Variants in KIF5B observed in about 807,000 individuals in gnomAD.
The protein encoded by KIF5B is kinesin family member 5B.
Under a neutral mutation model 132.8 loss-of-function variants are expected in KIF5B, and 49 were observed. The ratio of observed to expected loss-of-function variants is 0.37; its 90% CI spans 0.29 to 0.47. The LOEUF is 0.47. Ranked by LOEUF, KIF5B falls within the 20% of genes least tolerant of loss-of-function variation. KIF5B has a pLI of 1.00. For missense variants in KIF5B, 780 were observed against 1,144.0 expected, an observed-to-expected ratio of 0.68 and a Z score of 4.59; for synonymous variants, 355 against 369.4, an observed-to-expected ratio of 0.96 and a Z score of 0.45.
intron 4 of KIF5B, among the ~76,000 whole-genome samples, chr10:32,039,087 A>G (rs1270942243): frequency 6.6e-6 from 1 of 152,206 alleles, no homozygotes; most frequent in East Asian, 1.9e-4. Context: ...CAAGTTCTGC[A>G]GTAAAGCAAC....
intron 4 of KIF5B, 90 bp from the exon 5 acceptor site, chr10:32,038,916 TAG>T (rs1183418221): frequency 6.4e-6 from 5 of 776,418 alleles, no homozygotes; most frequent in South Asian, 6.4e-5. Flanking sequence ...TTGTTTAGAC[TAG>T]AGAGACAGTT....
In KIF5B at chr10:32,034,883, TTTTTAA is replaced by T. The variant is rs761257363; in HGVS notation, c.963-51_963-46del. ...GAAAAAAAGGATGAGACTGAAATTA[TTTTTAA>T]TTTTATCTATATGGAATATATGTAT... On this transcript the variant is annotated intron_variant, in intron 10 of 25. Coordinates refer to ENST00000302418, the MANE Select transcript of KIF5B (RefSeq NM_004521.3). 53 of 1,450,078 alleles carry T rather than the reference TTTTTAA, an allele frequency of 3.7e-5. No homozygotes were observed. In the East Asian group the frequency reaches 5.3e-4, roughly 15 times the overall value. 89.8% of individuals were successfully genotyped at this position (1,450,078 alleles called of 1,614,324 possible). A position where few individuals can be genotyped will look rare whatever the true frequency, so the allele number is the denominator to read the frequency against.
chr10:32,039,490 AAG>A (rs1475160962), intron 3 of KIF5B, 59 bp from the exon 4 acceptor site: 12 of 808,928 alleles, frequency 1.5e-5, no homozygotes, highest in Non-Finnish European at 2.2e-5. Context: ...AGTAAAAACA[AAG>A]AGTTTCAATC....
chr10:32,034,111 AT>A (rs11288781), intron 11 of KIF5B, 73 bp from the exon 12 acceptor site: 179,535 of 670,542 alleles, frequency 0.27, 1,127 homozygotes, highest in East Asian at 0.44. Context: ...TCCTTTAAAA[AT>A]TTTTTTTTTT....
intron 6 of KIF5B, 71 bp from the exon 7 acceptor site, chr10:32,037,678 C>CAAAAATTAG: frequency 8.4e-7 from 1 of 1,186,234 alleles, no homozygotes; most frequent in East Asian, 2.4e-5. Flanking sequence ...AATAAAAACA[C>CAAAAATTAG]AAAAATTAGC....
At position 32,027,590 on chromosome 10, in the gene KIF5B, A is replaced by G. The variant is rs1419031588; in HGVS notation, c.1725+838T>C. Among the ~76,000 whole-genome samples the G allele has an allele frequency of 4.0e-5, 6 of 151,404 alleles. No individual in the cohort carries two copies. The East Asian group carries it at 9.7e-4, about 24-fold the overall frequency. On this transcript the variant is annotated intron_variant, in intron 15 of 25. Coordinates refer to ENST00000302418, the MANE Select transcript of KIF5B (RefSeq NM_004521.3). ...TAAAGCAACCACAAGCCCATTCATT[A>G]TAAATTTATTCCCTGAGCTAATCTT...
At position 32,032,696 on chromosome 10, in the gene KIF5B, T is replaced by C. The variant is rs746050173; in HGVS notation, c.1374+10A>G. 12 of 1,607,926 alleles carry C rather than the reference T, an allele frequency of 7.5e-6. No individual in the cohort carries two copies. Among genetic ancestry groups the C allele is most frequent in the Non-Finnish European group, 1.0e-5 (12 of 1,174,408 alleles). On this transcript the variant is annotated intron_variant, in intron 13 of 25. Transcript: ENST00000302418. ...TTTTCTGGAAGCAATGTAAAAGGTA[T>C]TCAACTCACCTCCTCCTGATCCAAC...
chr10:32,031,928 G>A (rs1005037986), intron 13 of KIF5B, among the ~76,000 whole-genome samples: 2 of 149,808 alleles, frequency 1.3e-5, no homozygotes, highest in Admixed American at 6.7e-5. Context: ...GAACCTGGGA[G>A]GTGGAGGTTG....
At chr10:32,052,291 G>A (rs1336053756) in intron 1 of KIF5B, among the ~76,000 whole-genome samples, 2 of 152,214 alleles carry the variant, frequency 1.3e-5, no homozygotes, top group African/African-American at 2.4e-5. Context: ...GTAAAGGTAT[G>A]TGATGATGGT....
intron 12 of KIF5B, among the ~76,000 whole-genome samples, chr10:32,033,307 C>T (rs2132600034): frequency 6.6e-6 from 1 of 152,324 alleles, no homozygotes; most frequent in South Asian, 2.1e-4. Flanking sequence ...CAAAGCAGTA[C>T]TGGAAGCCTG....
intron 20 of KIF5B, 142 bp from the exon 21 acceptor site, chr10:32,018,704 T>A: frequency 1.5e-6 from 1 of 671,020 alleles, no homozygotes; most frequent in Non-Finnish European, 2.4e-6. Context: ...TTAAACAATT[T>A]ACCTGTGCTG....
chr10:32,053,730 A>C (rs1841721170), intron 1 of KIF5B, among the ~76,000 whole-genome samples: 1 of 92,094 alleles, frequency 1.1e-5, no homozygotes. Flanking sequence ...AAAATATCTC[A>C]AAAAAAAAAA....
In KIF5B at chr10:32,037,557, T is replaced by G. The variant is rs1421112167; in HGVS notation, c.549A>C (p.Ile183=). The G allele has an allele frequency of 6.2e-7, 1 of 1,613,400 alleles. No individual in the cohort carries two copies. The highest frequency in any genetic ancestry group is 8.5e-7 in the Non-Finnish European group (1 of 1,179,398). ...CATGTCTGTTGGATTTTCCTTCATC[T>G]ATGGTATCCATAACTTCATCTGGAC... is the stretch of plus-strand genomic sequence containing the variant. ...VCSPDEVMDT[I]DEGKSNRHVA... The change falls in exon 7 of 26, where the codon ATA becomes ATC. Residue 183 remains isoleucine (I), a synonymous_variant. Coordinates refer to ENST00000302418, the MANE Select transcript of KIF5B (RefSeq NM_004521.3).
At position 32,015,632 on chromosome 10, in the gene KIF5B, G is replaced by A. The variant is rs764031233; in HGVS notation, c.2789C>T (p.Pro930Leu). The A allele has an allele frequency of 2.3e-5, 37 of 1,613,326 alleles. No individual in the cohort carries two copies. The highest frequency in any genetic ancestry group is 2.9e-5 in the Non-Finnish European group (34 of 1,179,584). The change falls in exon 25 of 26, where the codon CCA (proline) becomes CTA (leucine). Residue 930 changes from proline to leucine, a missense_variant. Physicochemically the swap from Pro to Leu is moderately conservative, Grantham distance 98 (BLOSUM62 -3). This residue lies in a region of KIF5B where 90 missense variants were observed against 101.8 expected (regional missense o/e 0.88). Coordinates refer to ENST00000302418, the MANE Select transcript of KIF5B (RefSeq NM_004521.3). The stretch of plus-strand genomic sequence containing the variant: ...ACTTGGGTGAGTTGGAGAAGCTGCT[G>A]GATGTTGCCCGGGACGAATAGGTTT... ...IAKPIRPGQH[P>L]AASPTHPSAI...
intron 15 of KIF5B, among the ~76,000 whole-genome samples, chr10:32,024,289 G>A (rs1841306540): frequency 7.0e-6 from 1 of 143,730 alleles, no homozygotes; most frequent in African/African-American, 2.5e-5. Flanking sequence ...CAAGTAGCTG[G>A]GACTACAGGC....
At position 32,031,473 on chromosome 10, in the gene KIF5B, A is replaced by G. The variant is rs149578796; in HGVS notation, c.1375-194T>C. ...CTGTGCTGGATGCTGCAAGGCAGAA[A>G]GAAAATCAAAGACTGTGTTTAAGGA... On this transcript the variant is annotated intron_variant, in intron 13 of 25. Transcript: ENST00000302418. Among the ~76,000 whole-genome samples, 54 of 152,330 alleles carry G rather than the reference A, an allele frequency of 3.5e-4. No individual in the cohort carries two copies. In the East Asian group the frequency reaches 9.1e-3, roughly 26 times the overall value.
chr10:32,014,405 G>T (rs1253352621), intron 25 of KIF5B, among the ~76,000 whole-genome samples: 2 of 151,946 alleles, frequency 1.3e-5, no homozygotes, highest in Admixed American at 6.6e-5. Context: ...GTGGGGCAGG[G>T]GGGTGTGGGG....
At chr10:32,022,305 C>CT (rs761214468) in intron 16 of KIF5B, 48 bp from the exon 17 acceptor site, 8 of 858,994 alleles carry the variant, frequency 9.3e-6, no homozygotes, top group Non-Finnish European at 1.3e-5. Context: ...TATGCATACA[C>CT]TTTAAGAATA....
intron 1 of KIF5B, 120 bp downstream of exon 1, chr10:32,055,728 C>T: frequency 2.2e-6 from 3 of 1,349,106 alleles, no homozygotes; most frequent in Non-Finnish European, 3.0e-6. Context: ...GCAAACCCCG[C>T]CGGGGAGGGC....
Sources: allele counts gnomAD v4.1 joint callset (sites outside exome capture counted in the v4.1 genomes callset), GRCh38; gene constraint gnomAD v4.1.1; regional missense constraint gnomAD v4.1.1; transcripts MANE v1.5; gene names NCBI Gene and HGNC (gene_info 2026-07-23, HGNC 2026-07-21).